NRAS: variants seen among roughly 807,000 people sequenced by gnomAD.
NRAS encodes GTPase NRas.
Under a neutral mutation model 21.3 loss-of-function variants are expected in NRAS, and 6 were observed. The observed-to-expected ratio is 0.28, with a 90% CI of 0.15 to 0.56. NRAS has a LOEUF of 0.56. Among genes scored for constraint, NRAS ranks in the 20% least tolerant of loss-of-function variants. The pLI is 0.93. For synonymous variants in NRAS, 84 were observed against 82.0 expected, an observed-to-expected ratio of 1.02 and a Z score of -0.13; for missense variants, 143 against 231.3, an observed-to-expected ratio of 0.62 and a Z score of 2.48.
chr1:114,710,187 TCCCCCCCAAC>T (rs1329478959), intron 3 of NRAS, among the ~76,000 whole-genome samples: 5 of 92,292 alleles, frequency 5.4e-5, no homozygotes, highest in Non-Finnish European at 8.5e-5. Flanking sequence ...TGAGACTCCA[TCCCCCCCAAC>T]CCCCCCCAAA....
At chr1:114,715,016 C>G (rs1659124137) in intron 2 of NRAS, among the ~76,000 whole-genome samples, 1 of 152,052 alleles carries the variant, frequency 6.6e-6, no homozygotes, top group African/African-American at 2.4e-5. Flanking sequence ...TTACAAAACC[C>G]TTTATTTATT....
chr1:114,711,390 G>C (rs529471440), intron 3 of NRAS, among the ~76,000 whole-genome samples: 8 of 152,136 alleles, frequency 5.3e-5, no homozygotes, highest in Non-Finnish European at 8.8e-5. Context: ...CTGAGGTCAG[G>C]AGTTTGAAAC....
intron 3 of NRAS, among the ~76,000 whole-genome samples, chr1:114,712,901 C>T (rs578166379): frequency 6.6e-6 from 1 of 152,302 alleles, no homozygotes; most frequent in South Asian, 2.1e-4. Context: ...TCATTCTTAA[C>T]CATTATATTA....
Position 114,713,909 on chromosome 1 carries a change from G to A in NRAS, c.181C>T (p.Gln61Ter), listed in dbSNP as rs121913254. Reference protein sequence around the residue: ...CLLDILDTAGQEEYSAMRDQY... With the variant: ...CLLDILDTAG ...TCTCTCATGGCACTGTACTCTTCTTGTCCAGCTGTATCCAGTATGTCCAAC... is the reference window on the plus strand; with the variant it reads ...TCTCTCATGGCACTGTACTCTTCTTATCCAGCTGTATCCAGTATGTCCAAC... The change falls in exon 3 of 7, where the codon CAA becomes TAA. Residue 61 changes from glutamine to a stop codon, truncating the protein, a stop_gained. Transcript: ENST00000369535. LOFTEE classifies it high-confidence loss of function. 6.2e-7 allele frequency: 1 copy of A among 1,611,500 alleles called. No individual in the cohort carries two copies. Among genetic ancestry groups the A allele is most frequent in the Non-Finnish European group, 8.5e-7 (1 of 1,178,498 alleles).
chr1:114,713,792 C>T lies in NRAS; in HGVS notation c.290+8G>A, dbSNP rs2101741707. On this transcript the variant is annotated splice_region_variant and intron_variant, in intron 3 of 6. Transcript: ENST00000369535. ...TCATCCTTTCAGAGAAAATAATGCT[C>T]CTAGTACCTGTAGAGGTTAATATCC... The T allele has an allele frequency of 6.2e-7, 1 of 1,609,198 alleles. No homozygotes were observed. Among genetic ancestry groups the T allele is most frequent in the Admixed American group, 1.7e-5 (1 of 60,014 alleles).
At chr1:114,714,306 T>G (rs1659110559) in intron 2 of NRAS, among the ~76,000 whole-genome samples, 1 of 152,254 alleles carries the variant, frequency 6.6e-6, no homozygotes. Context: ...AAGTACCCAG[T>G]GTATTTCACT....
intron 4 of NRAS, among the ~76,000 whole-genome samples, chr1:114,709,253 A>AT (rs1257399223): frequency 4.6e-5 from 7 of 152,098 alleles, no homozygotes; most frequent in African/African-American, 1.7e-4. Context: ...CCTGGGCAAC[A>AT]TGGTAAAACC....
rs1282026584 is a variant in NRAS at position 114,706,867 on chromosome 1, C to T, written c.*1227G>A. On this transcript the variant is annotated 3_prime_UTR_variant, in exon 7 of 7. Coordinates refer to ENST00000369535, the MANE Select transcript of NRAS (RefSeq NM_002524.5). ...TTTACTCAACTGAAATAATCAAGCCCCTATTGCTGTGGGGGAAGCTGTAGA... is the reference window on the plus strand; with the variant it reads ...TTTACTCAACTGAAATAATCAAGCCTCTATTGCTGTGGGGGAAGCTGTAGA... The T allele has an allele frequency of 6.6e-6, 1 of 152,194 alleles. No homozygotes were observed. Among genetic ancestry groups the T allele is most frequent in the African/African-American group, 2.4e-5 (1 of 41,396 alleles). The allele number at this position is 152,194 out of a possible 1,614,324, so 9.4% of individuals were successfully genotyped here. A position where few individuals can be genotyped will look rare whatever the true frequency, so the allele number is the denominator to read the frequency against.
Position 114,716,123 on chromosome 1 carries a change from C to T in NRAS, c.38G>A (p.Gly13Asp), listed in dbSNP as rs121434596. Residue 13 changes from glycine to aspartate, a missense_variant, in exon 2 of 7, where the codon GGT (glycine) becomes GAT (aspartate). Physicochemically the swap from Gly to Asp is moderately conservative, Grantham distance 94. Coordinates refer to ENST00000369535, the MANE Select transcript of NRAS (RefSeq NM_002524.5). Reference protein sequence around the residue: ...EYKLVVVGAGGVGKSALTIQL... With the variant: ...EYKLVVVGAGDVGKSALTIQL... ...GATTGTCAGTGCGCTTTTCCCAACA[C>T]CACCTGCTCCAACCACCACCAGTTT... 1 of 1,614,022 alleles carries T rather than the reference C, an allele frequency of 6.2e-7. No homozygotes were observed. Among genetic ancestry groups the T allele is most frequent in the Non-Finnish European group, 8.5e-7 (1 of 1,179,888 alleles).
At chr1:114,716,542 AC>A (rs1659175595) in intron 1 of NRAS, 115 bp downstream of exon 1, 1 of 346,106 alleles carries the variant, frequency 2.9e-6, no homozygotes, top group Non-Finnish European at 5.6e-6. Context: ...AAATGGAAGG[AC>A]CCCCGCCCAA....
rs1659101388 is a variant in NRAS, at chr1:114,713,995, T to G, written c.112-17A>C. 3 of 808,704 alleles carry G rather than the reference T, an allele frequency of 3.7e-6. No homozygotes were observed. Among genetic ancestry groups the G allele is most frequent in the African/African-American group, 1.9e-5 (1 of 53,680 alleles). The allele number at this position is 808,704 out of a possible 1,614,324, so 50.1% of individuals were successfully genotyped here. A position where few individuals can be genotyped will look rare whatever the true frequency, so the allele number is the denominator to read the frequency against. On this transcript the variant is annotated splice_polypyrimidine_tract_variant and intron_variant, in intron 2 of 6. Coordinates refer to ENST00000369535, the MANE Select transcript of NRAS (RefSeq NM_002524.5). ...GTAAGAATCCTGGGGGTGTGGAGGG[T>G]AAGGGGGCAGGGAGGGAGGGAAGTT...
chr1:114,716,512 G>C (rs1162643062), intron 1 of NRAS, 146 bp downstream of exon 1: 1 of 373,458 alleles, frequency 2.7e-6, no homozygotes, highest in East Asian at 6.2e-5. Flanking sequence ...TGTCTCCAAA[G>C]ATCTCCCCAC....
In NRAS at chr1:114,706,609, T is replaced by C. The variant is rs1658924816; in HGVS notation, c.*1485A>G. ...ATTGGCTTAATTTAGAGTTTCTACA[T>C]GGCTAAAAGAAAAAAAAATGTTTAA... On this transcript the variant is annotated 3_prime_UTR_variant, in exon 7 of 7. Transcript: ENST00000369535. The C allele has an allele frequency of 6.6e-6, 1 of 152,208 alleles. No homozygotes were observed. The highest frequency in any genetic ancestry group is 1.5e-5 in the Non-Finnish European group (1 of 68,032). The allele number at this position is 152,208 out of a possible 1,614,324, so 9.4% of individuals were successfully genotyped here. A position where few individuals can be genotyped will look rare whatever the true frequency, so the allele number is the denominator to read the frequency against.
Position 114,707,375 on chromosome 1 carries a change from A to G in NRAS, c.*719T>C, listed in dbSNP as rs1253533568. ...CAGACGTATCTCAGACATTCATTTCATGCATAAGGATTTTTGAGACATCTA... is the reference window on the plus strand; with the variant it reads ...CAGACGTATCTCAGACATTCATTTCGTGCATAAGGATTTTTGAGACATCTA... On this transcript the variant is annotated 3_prime_UTR_variant, in exon 7 of 7. Coordinates refer to ENST00000369535, the MANE Select transcript of NRAS (RefSeq NM_002524.5). The G allele has an allele frequency of 6.6e-6, 1 of 152,632 alleles. No individual in the cohort carries two copies. The highest frequency in any genetic ancestry group is 1.5e-5 in the Non-Finnish European group (1 of 68,024). 9.5% of individuals were successfully genotyped at this position (152,632 alleles called of 1,614,324 possible).
chr1:114,715,509 T>G (rs529411312), intron 2 of NRAS, among the ~76,000 whole-genome samples: 1 of 152,200 alleles, frequency 6.6e-6, no homozygotes, highest in African/African-American at 2.4e-5. Flanking sequence ...TTTATGGTAA[T>G]TTAAAACATG....
intron 3 of NRAS, 30 bp downstream of exon 3, chr1:114,713,770 T>A (rs1055099395): frequency 6.4e-7 from 1 of 1,572,474 alleles, no homozygotes; most frequent in Non-Finnish European, 8.8e-7. Context: ...ACAAAGATCA[T>A]CCTTTCAGAG....
At position 114,704,640 on chromosome 1, in the gene NRAS, CA is replaced by C. The variant is rs1276145448; in HGVS notation, c.*3453del. 1 of 152,186 alleles carries C rather than the reference CA, an allele frequency of 6.6e-6. No homozygotes were observed. The highest frequency in any genetic ancestry group is 1.5e-5 in the Non-Finnish European group (1 of 68,020). 9.4% of individuals were successfully genotyped at this position (152,186 alleles called of 1,614,324 possible). ...AGGAGGCCAATAGTTCCTGTTTAAA[CA>C]GCAGAATTGCACAATTATTTTTACC... On this transcript the variant is annotated 3_prime_UTR_variant, in exon 7 of 7. Transcript: ENST00000369535.
At position 114,706,667 on chromosome 1, in the gene NRAS, A is replaced by G. The variant is rs1658926112; in HGVS notation, c.*1427T>C. 1 of 152,214 alleles carries G rather than the reference A, an allele frequency of 6.6e-6. No individual in the cohort carries two copies. The highest frequency in any genetic ancestry group is 6.5e-5 in the Admixed American group (1 of 15,278). The allele number at this position is 152,214 out of a possible 1,614,324, so 9.4% of individuals were successfully genotyped here. A position where few individuals can be genotyped will look rare whatever the true frequency, so the allele number is the denominator to read the frequency against. ...ATACTGAGTTTTCCAGTCATGGTAA[A>G]GGGTTTGTGCTAACTGACCTCTTCT... On this transcript the variant is annotated 3_prime_UTR_variant, in exon 7 of 7. Coordinates refer to ENST00000369535, the MANE Select transcript of NRAS (RefSeq NM_002524.5).
rs772731110 is a variant in NRAS at position 114,709,655 on chromosome 1, T to A, written c.364A>T (p.Thr122Ser). 6.2e-7 allele frequency: 1 copy of A among 1,613,554 alleles called. No individual in the cohort carries two copies. The highest frequency in any genetic ancestry group is 1.3e-5 in the African/African-American group (1 of 74,906). The change falls in exon 4 of 7, where the codon ACA becomes TCA. Residue 122 changes from threonine (T) to serine (S), a missense_variant. Physicochemically the swap from Thr to Ser is moderately conservative, Grantham distance 58. Coordinates refer to ENST00000369535, the MANE Select transcript of NRAS (RefSeq NM_002524.5). ...VLVGNKCDLP[T>S]RTVDTKQAHE... ...GCTTGTTTTGTATCAACTGTCCTTG[T>A]TGGCAAATCACACTTGTTTCCCACT...
Sources: allele counts gnomAD v4.1 joint callset (sites outside exome capture counted in the v4.1 genomes callset), GRCh38; gene constraint gnomAD v4.1.1; transcripts MANE v1.5; gene names NCBI Gene and HGNC (gene_info 2026-07-23, HGNC 2026-07-21).